Variants in SBNO1 observed in about 807,000 individuals in gnomAD.
The protein encoded by SBNO1 is strawberry notch homolog 1.
Under a neutral mutation model 173.6 loss-of-function variants are expected in SBNO1, and 23 were observed. The ratio of observed to expected loss-of-function variants is 0.13; its 90% CI spans 0.10 to 0.19. The LOEUF is 0.19. SBNO1 is among the 10% of genes least tolerant of loss of function. The pLI, the probability that SBNO1 is intolerant of heterozygous loss-of-function variation, is 1.00. For missense variants in SBNO1, 1,238 were observed against 1,671.2 expected (o/e 0.74, Z 4.52); for synonymous variants, 632 against 571.5 (o/e 1.11, Z -1.51).
At chr12:123,346,566 A>T (rs1873169950) in intron 3 of SBNO1, among the ~76,000 whole-genome samples, 1 of 152,194 alleles carries the variant, frequency 6.6e-6, no homozygotes, top group South Asian at 2.1e-4. Flanking sequence ...CGGGAGGCTG[A>T]GGCAGGAGAA....
chr12:123,305,884 T>TATA (rs1197374673), intron 28 of SBNO1, among the ~76,000 whole-genome samples: 1 of 152,216 alleles, frequency 6.6e-6, no homozygotes, highest in Non-Finnish European at 1.5e-5. Flanking sequence ...ATTTCTTCTT[T>TATA]ATAAAGACTG....
intron 1 of SBNO1, among the ~76,000 whole-genome samples, chr12:123,362,392 T>C (rs1328927836): frequency 2.5e-5 from 3 of 121,020 alleles, no homozygotes; most frequent in Admixed American, 1.2e-4. Flanking sequence ...GCAGAGATCG[T>C]GCCACTGCAC....
At chr12:123,346,481 G>A (rs562032472) in intron 3 of SBNO1, among the ~76,000 whole-genome samples, 6 of 151,594 alleles carry the variant, frequency 4.0e-5, no homozygotes, top group South Asian at 2.1e-4. Flanking sequence ...TGGCTAACAC[G>A]GTGAAACCCC....
In SBNO1 at chr12:123,309,793, G is replaced by C; in HGVS notation, c.3359C>G (p.Ala1120Gly). The change falls in exon 26 of 32, where the codon GCG (alanine) becomes GGG (glycine). Residue 1120 changes from alanine (A) to glycine (G), a missense_variant. Ala to Gly is a moderately conservative substitution (Grantham distance 60). Transcript: ENST00000602398. ...ILGMEVHQQN[A>G]LFQYFADTLT... ...TGTGTCCGCAAAATACTGAAATAAC[G>C]CATTCTGCTGATGCACCTCCATGCC... 3 of 1,611,794 alleles carry C rather than the reference G, an allele frequency of 1.9e-6. No individual in the cohort carries two copies. Among genetic ancestry groups the C allele is most frequent in the Non-Finnish European group, 1.7e-6 (2 of 1,178,534 alleles).
intron 30 of SBNO1, among the ~76,000 whole-genome samples, 156 bp from the exon 31 acceptor site, chr12:123,298,327 T>C (rs1394203804): frequency 6.6e-6 from 1 of 152,144 alleles, no homozygotes; most frequent in Non-Finnish European, 1.5e-5. Context: ...AGCGCAGTGG[T>C]GCGATCTCGG....
At chr12:123,326,419 G>T in intron 13 of SBNO1, 85 bp from the exon 14 acceptor site, 1 of 750,648 alleles carries the variant, frequency 1.3e-6, no homozygotes, top group Non-Finnish European at 2.0e-6. Flanking sequence ...ACAATGTTAA[G>T]TGCAAGACCA....
intron 31 of SBNO1, among the ~76,000 whole-genome samples, chr12:123,296,501 C>T (rs1315036767): frequency 6.6e-6 from 1 of 151,342 alleles, no homozygotes; most frequent in South Asian, 2.1e-4. Context: ...TTAAGTCCTG[C>T]ATGTAGGATT....
At chr12:123,322,134 TA>T (rs1357943863) in intron 16 of SBNO1, among the ~76,000 whole-genome samples, 2 of 152,184 alleles carry the variant, frequency 1.3e-5, no homozygotes, top group African/African-American at 4.8e-5. Flanking sequence ...AATCAATTTA[TA>T]AAACCTTTTT....
Position 123,299,304 on chromosome 12 carries a change from C to T in SBNO1, c.3846-1133G>A, listed in dbSNP as rs1288360623. Among the ~76,000 whole-genome samples, 4 of 150,894 alleles carry T rather than the reference C, an allele frequency of 2.7e-5. No individual in the cohort carries two copies. The East Asian group carries it at 7.8e-4, about 29-fold the overall frequency. ...AATGGCGTGAACCCAGGAGGCGGAG[C>T]TTGCAGTGAGCCGAGATCGTGCCAC... On this transcript the variant is annotated intron_variant, in intron 30 of 31. Coordinates refer to ENST00000602398, the MANE Select transcript of SBNO1 (RefSeq NM_001167856.3).
chr12:123,290,066 T>G lies in SBNO1; in HGVS notation c.*5842A>C, dbSNP rs1017291454. On this transcript the variant is annotated 3_prime_UTR_variant, in exon 32 of 32. Transcript: ENST00000602398. Reference sequence around the variant, plus strand: ...CAAAAAGAACCCGCCTTTTTGGGCTTCTTCTTTTCCTTGCTTAGCCCTGCA... The same window carrying G: ...CAAAAAGAACCCGCCTTTTTGGGCTGCTTCTTTTCCTTGCTTAGCCCTGCA... The G allele has an allele frequency of 3.9e-5, 6 of 152,352 alleles. No homozygotes were observed. Among genetic ancestry groups the G allele is most frequent in the Middle Eastern group, 6.8e-3 (2 of 294 alleles). The allele number at this position is 152,352 out of a possible 1,614,324, so 9.4% of individuals were successfully genotyped here. A position where few individuals can be genotyped will look rare whatever the true frequency, so the allele number is the denominator to read the frequency against.
Position 123,291,874 on chromosome 12 carries a change from C to T in SBNO1, c.*4034G>A, listed in dbSNP as rs2048517963. ...ACATTTATGTACATATATATAAATA[C>T]AGCACAAAATTAGAGGGTGGGTTTT... On this transcript the variant is annotated 3_prime_UTR_variant, in exon 32 of 32. Coordinates refer to ENST00000602398, the MANE Select transcript of SBNO1 (RefSeq NM_001167856.3). 3 of 151,680 alleles carry T rather than the reference C, an allele frequency of 2.0e-5. No individual in the cohort carries two copies. Among genetic ancestry groups the T allele is most frequent in the Admixed American group, 1.3e-4 (2 of 15,228 alleles). The allele number at this position is 151,680 out of a possible 1,614,324, so 9.4% of individuals were successfully genotyped here.
Position 123,319,909 on chromosome 12 carries a change from A to T in SBNO1, c.2790T>A (p.Asp930Glu). 1 of 1,613,688 alleles carries T rather than the reference A, an allele frequency of 6.2e-7. No individual in the cohort carries two copies. Among genetic ancestry groups the T allele is most frequent in the Non-Finnish European group, 8.5e-7 (1 of 1,179,672 alleles). Reference sequence around the variant, plus strand: ...TCTCAGTAAAACATACCTTATCTCCATCCATAAATCGTTGTTTTTCTGTGA... The same window carrying T: ...TCTCAGTAAAACATACCTTATCTCCTTCCATAAATCGTTGTTTTTCTGTGA... The part of the protein sequence containing the change: ...LNITEKQRFM[D>E]GDKNIAIISE... Residue 930 changes from aspartate to glutamate, a missense_variant, in exon 20 of 32, where the codon GAT (aspartate) becomes GAA (glutamate). By Grantham distance (45) the Asp-to-Glu change is conservative (BLOSUM62 2). Coordinates refer to ENST00000602398, the MANE Select transcript of SBNO1 (RefSeq NM_001167856.3).
chr12:123,339,041 C>A (rs1332361303), intron 5 of SBNO1, among the ~76,000 whole-genome samples: 1 of 151,376 alleles, frequency 6.6e-6, no homozygotes, highest in Admixed American at 6.7e-5. Context: ...AATGTGAGAA[C>A]CACATAAAAC....
At chr12:123,340,757 A>G (rs1459525055) in intron 5 of SBNO1, among the ~76,000 whole-genome samples, 2 of 152,140 alleles carry the variant, frequency 1.3e-5, no homozygotes, top group African/African-American at 4.8e-5. Flanking sequence ...TAACAGTAAG[A>G]TATCAGTACT....
intron 24 of SBNO1, among the ~76,000 whole-genome samples, chr12:123,313,168 C>T (rs925064273): frequency 1.3e-5 from 2 of 150,282 alleles, no homozygotes; most frequent in Non-Finnish European, 2.9e-5. Context: ...TGCCACTGCA[C>T]TCCAGCCTGG....
At chr12:123,339,014 TAATGGACTG>T (rs1872226538) in intron 5 of SBNO1, among the ~76,000 whole-genome samples, 1 of 151,444 alleles carries the variant, frequency 6.6e-6, no homozygotes, top group South Asian at 2.1e-4. Context: ...TTTTGGTATA[TAATGGACTG>T]AAATGGAAAT....
intron 1 of SBNO1, chr12:123,363,960 C>T: frequency 1.0e-6 from 1 of 985,498 alleles, no homozygotes; most frequent in Non-Finnish European, 1.2e-6. Flanking sequence ...CACCGGTATC[C>T]ACTGCTTTGG....
In SBNO1 at chr12:123,336,482, C is replaced by A; in HGVS notation, c.661G>T (p.Val221Phe). 6.2e-7 allele frequency: 1 copy of A among 1,609,056 alleles called. No individual in the cohort carries two copies. Among genetic ancestry groups the A allele is most frequent in the East Asian group, 2.2e-5 (1 of 44,804 alleles). The change falls in exon 6 of 32, where the codon GTT (valine) becomes TTT (phenylalanine). Residue 221 changes from valine to phenylalanine, a missense_variant. Coordinates refer to ENST00000602398, the MANE Select transcript of SBNO1 (RefSeq NM_001167856.3). ...TCTGGTTCATCATCTTCTTTTACAA[C>A]AGGAACCTTCTGCAACACAGAAAGA... is the stretch of plus-strand genomic sequence containing the variant. ...RSFSPTMKVP[V>F]VKEDDEPEEE...
At chr12:123,346,695 A>G (rs1037679754) in intron 3 of SBNO1, among the ~76,000 whole-genome samples, 2 of 151,822 alleles carry the variant, frequency 1.3e-5, no homozygotes, top group Non-Finnish European at 2.9e-5. Context: ...TAAAAATAAT[A>G]AAGTCTACTA....
Sources: gnomAD v4.1 joint callset for allele counts (sites outside exome capture counted in the v4.1 genomes callset) on GRCh38, gnomAD v4.1.1 for gene constraint, MANE v1.5 for transcripts, NCBI Gene and HGNC (gene_info 2026-07-23, HGNC 2026-07-21) for gene names.